Variants in DDX10 observed in about 807,000 individuals in gnomAD.
DDX10 encodes probable ATP-dependent RNA helicase DDX10.
In DDX10, 74 loss-of-function variants were observed where a neutral mutation model predicts 104.3. The observed-to-expected ratio is 0.71, with a 90% CI of 0.59 to 0.86. The LOEUF is 0.86. Among genes scored for constraint, DDX10 ranks in the 40% least tolerant of loss-of-function variants. The pLI, the probability that DDX10 is intolerant of heterozygous loss-of-function variation, is 0.00. For missense variants in DDX10, 952 were observed against 1,040.0 expected, an observed-to-expected ratio of 0.92 and a Z score of 1.16; for synonymous variants, 351 against 353.4, an observed-to-expected ratio of 0.99 and a Z score of 0.08.
At chr11:108,885,831 C>T (rs1863289603) in intron 16 of DDX10, among the ~76,000 whole-genome samples, 1 of 152,158 alleles carries the variant, frequency 6.6e-6, no homozygotes, top group Non-Finnish European at 1.5e-5. Flanking sequence ...AAGTGTAATA[C>T]TCCCAAGGAT....
chr11:108,807,078 G>A (rs1451381035), intron 13 of DDX10, among the ~76,000 whole-genome samples: 1 of 152,198 alleles, frequency 6.6e-6, no homozygotes, highest in Non-Finnish European at 1.5e-5. Context: ...AGCTTGGACT[G>A]GGGTGCTGGA....
intron 9 of DDX10, among the ~76,000 whole-genome samples, chr11:108,706,219 G>A (rs2094275675): frequency 6.6e-6 from 1 of 152,018 alleles, no homozygotes; most frequent in African/African-American, 2.4e-5. Context: ...TTATTCACCC[G>A]CCTCGGCCTC....
chr11:108,911,195 CTAAAAGT>C (rs1328434530), intron 16 of DDX10, among the ~76,000 whole-genome samples: 2 of 152,104 alleles, frequency 1.3e-5, no homozygotes, highest in East Asian at 1.9e-4. Flanking sequence ...TGTCCAGAAC[CTAAAAGT>C]GTGTCTGCTA....
At chr11:108,674,499 A>G (rs2094221284) in intron 2 of DDX10, among the ~76,000 whole-genome samples, 2 of 151,396 alleles carry the variant, frequency 1.3e-5, no homozygotes, top group South Asian at 4.2e-4. Context: ...ATTAAGAGAG[A>G]TATATAATAG....
At chr11:108,680,866 G>T (rs925565571) in intron 6 of DDX10, among the ~76,000 whole-genome samples, 1 of 152,132 alleles carries the variant, frequency 6.6e-6, no homozygotes, top group Non-Finnish European at 1.5e-5. Context: ...TTTGCTTCTG[G>T]GTGATCTTGG....
intron 16 of DDX10, among the ~76,000 whole-genome samples, chr11:108,889,868 T>C (rs1863352246): frequency 6.6e-6 from 1 of 152,212 alleles, no homozygotes; most frequent in African/African-American, 2.4e-5. Flanking sequence ...TTCTGGCACT[T>C]TGAAGCATTA....
At chr11:108,740,358 A>G (rs562525907) in intron 13 of DDX10, among the ~76,000 whole-genome samples, 1 of 152,242 alleles carries the variant, frequency 6.6e-6, no homozygotes, top group African/African-American at 2.4e-5. Context: ...ATGTGTGTAC[A>G]TACCACATTT....
At chr11:108,876,690 G>A (rs898379193) in intron 16 of DDX10, among the ~76,000 whole-genome samples, 38 of 152,272 alleles carry the variant, frequency 2.5e-4, no homozygotes, top group Non-Finnish European at 5.3e-4. Flanking sequence ...AGAAGTAAGT[G>A]AGATAACACT....
intron 13 of DDX10, among the ~76,000 whole-genome samples, chr11:108,769,256 A>G (rs2094359976): frequency 1.3e-5 from 2 of 151,162 alleles, no homozygotes; most frequent in South Asian, 4.2e-4. Flanking sequence ...ATGTTGTATA[A>G]TCTCTTTTTC....
chr11:108,783,160 A>G (rs1056422330), intron 13 of DDX10, among the ~76,000 whole-genome samples: 5 of 152,042 alleles, frequency 3.3e-5, no homozygotes, highest in African/African-American at 1.2e-4. Flanking sequence ...TTCTGTGACT[A>G]TTTCTTCTAT....
intron 13 of DDX10, among the ~76,000 whole-genome samples, chr11:108,764,696 TAG>T (rs1203058827): frequency 6.6e-6 from 1 of 151,982 alleles, no homozygotes; most frequent in African/African-American, 2.4e-5. Context: ...ATGAACAGAA[TAG>T]CTACCCTGAT....
At chr11:108,921,276 A>G (rs1204499435) in intron 17 of DDX10, 2 of 152,216 alleles carry the variant, frequency 1.3e-5, no homozygotes, top group African/African-American at 4.8e-5. Context: ...AAGAAAATGT[A>G]TTTGGAAGAT....
At chr11:108,682,639 G>A (rs2094237196) in intron 6 of DDX10, among the ~76,000 whole-genome samples, 1 of 152,082 alleles carries the variant, frequency 6.6e-6, no homozygotes, top group South Asian at 2.1e-4. Context: ...TCATTGTTAA[G>A]TATTTTAATT....
At chr11:108,672,842 A>T (rs1009324191) in intron 1 of DDX10, among the ~76,000 whole-genome samples, 2 of 152,246 alleles carry the variant, frequency 1.3e-5, no homozygotes, top group Non-Finnish European at 2.9e-5. Flanking sequence ...TATTTGAATA[A>T]TGTAAAGTTA....
Position 108,838,475 on chromosome 11 carries a change from G to A in DDX10, c.1995G>A (p.Lys665=). 1 of 1,611,970 alleles carries A rather than the reference G, an allele frequency of 6.2e-7. No individual in the cohort carries two copies. Among genetic ancestry groups the A allele is most frequent in the South Asian group, 1.1e-5 (1 of 90,814 alleles). ...QKKEPSKSSI[K]KKMTKVAEAK... is the part of the protein sequence containing the mutation. ...AAGAACCTTCTAAATCCAGCATCAAGAAAAAAATGACCAAAGTTGCAGAAG... is the reference window on the plus strand; with the variant it reads ...AAGAACCTTCTAAATCCAGCATCAAAAAAAAAATGACCAAAGTTGCAGAAG... The change falls in exon 14 of 18, where the codon AAG becomes AAA. Residue 665 remains lysine, a synonymous_variant. Coordinates refer to ENST00000322536, the MANE Select transcript of DDX10 (RefSeq NM_004398.4).
intron 10 of DDX10, among the ~76,000 whole-genome samples, chr11:108,708,139 A>T (rs2094278993): frequency 6.6e-6 from 1 of 151,280 alleles, no homozygotes; most frequent in South Asian, 2.1e-4. Context: ...GTTGCTCCAC[A>T]TTCTTGCCAG....
At chr11:108,676,878 G>A (rs981593333) in intron 3 of DDX10, among the ~76,000 whole-genome samples, 2 of 152,102 alleles carry the variant, frequency 1.3e-5, no homozygotes, top group Non-Finnish European at 2.9e-5. Flanking sequence ...CTGAACTACC[G>A]TGGGGTTTCT....
intron 15 of DDX10, among the ~76,000 whole-genome samples, chr11:108,848,795 T>C (rs1862753171): frequency 6.6e-6 from 1 of 151,840 alleles, no homozygotes; most frequent in African/African-American, 2.4e-5. Flanking sequence ...TGATGGTGAG[T>C]AGGTAGAGAT....
At chr11:108,722,685 G>C (rs1320693517) in intron 12 of DDX10, among the ~76,000 whole-genome samples, 1 of 152,196 alleles carries the variant, frequency 6.6e-6, no homozygotes, top group Non-Finnish European at 1.5e-5. Flanking sequence ...AGCTGAAGCT[G>C]AGAGGGTTGA....
Sources: allele counts gnomAD v4.1 joint callset (sites outside exome capture counted in the v4.1 genomes callset), GRCh38; gene constraint gnomAD v4.1.1; transcripts MANE v1.5; gene names NCBI Gene and HGNC (gene_info 2026-07-23, HGNC 2026-07-21).